The following GABRG3 variants were observed in gnomAD, a reference collection of about 807,000 sequenced individuals.
The protein encoded by GABRG3 is gamma-aminobutyric acid receptor subunit gamma-3.
Under a neutral mutation model 48.8 loss-of-function variants are expected in GABRG3, and 25 were observed. The ratio of observed to expected loss-of-function variants is 0.51; its 90% CI spans 0.37 to 0.72. The LOEUF (loss-of-function observed/expected upper bound fraction) is 0.72. GABRG3 is among the 30% of genes least tolerant of loss of function. The pLI is 0.00. For missense variants in GABRG3, 394 were observed against 577.9 expected, an observed-to-expected ratio of 0.68 and a Z score of 3.26; for synonymous variants, 227 against 217.6, an observed-to-expected ratio of 1.04 and a Z score of -0.38.
At chr15:27,467,081 C>T (rs1200470433) in intron 5 of GABRG3, among the ~76,000 whole-genome samples, 1 of 152,110 alleles carries the variant, frequency 6.6e-6, no homozygotes, top group African/African-American at 2.4e-5. Flanking sequence ...CACCAACATG[C>T]ATTTCTCACA....
intron 3 of GABRG3, among the ~76,000 whole-genome samples, chr15:27,123,721 A>G (rs1897770852): frequency 6.6e-6 from 1 of 152,180 alleles, no homozygotes; most frequent in African/African-American, 2.4e-5. Flanking sequence ...AATGACTCCC[A>G]TTCCAGCCCC....
chr15:27,420,624 A>G (rs1295833396), intron 5 of GABRG3: 1 of 152,210 alleles, frequency 6.6e-6, no homozygotes, highest in African/African-American at 2.4e-5. Flanking sequence ...CAGTGTATAC[A>G]TATATCAAAA....
intron 3 of GABRG3, among the ~76,000 whole-genome samples, chr15:27,239,183 G>C (rs961505414): frequency 1.3e-5 from 2 of 152,212 alleles, no homozygotes; most frequent in African/African-American, 2.4e-5. Context: ...GGTGACACCA[G>C]TCCGAGGTTT....
chr15:27,070,125 G>A (rs1444937324), intron 3 of GABRG3, among the ~76,000 whole-genome samples: 1 of 152,224 alleles, frequency 6.6e-6, no homozygotes, highest in Non-Finnish European at 1.5e-5. Flanking sequence ...CCTCCCCCAC[G>A]TGAGGACAGG....
At chr15:27,324,126 C>T (rs1452289501) in intron 3 of GABRG3, among the ~76,000 whole-genome samples, 1 of 152,236 alleles carries the variant, frequency 6.6e-6, no homozygotes, top group Non-Finnish European at 1.5e-5. Flanking sequence ...TAGCTTCTGT[C>T]TTTCTCATCA....
In GABRG3 at chr15:27,477,426, A is replaced by T. The variant is rs553736298; in HGVS notation, c.575-3224A>T. 2.0e-5 allele frequency among the ~76,000 whole-genome samples: 3 copies of T among 152,274 alleles called. No individual in the cohort carries two copies. The East Asian group carries it at 5.8e-4, about 29-fold the overall frequency. Reference sequence around the variant, plus strand: ...GTTGCTGCAGGGAAGGGTTGGAGGGAGGAATGAATAGGTGGAGCACAGGGG... The same window carrying T: ...GTTGCTGCAGGGAAGGGTTGGAGGGTGGAATGAATAGGTGGAGCACAGGGG... On this transcript the variant is annotated intron_variant, in intron 5 of 9. Transcript: ENST00000615808.
intron 5 of GABRG3, among the ~76,000 whole-genome samples, chr15:27,414,426 G>T (rs1887884224): frequency 6.6e-6 from 1 of 152,108 alleles, no homozygotes; most frequent in African/African-American, 2.4e-5. Flanking sequence ...TTTCTTCCAA[G>T]TCTGGAAGAG....
intron 5 of GABRG3, among the ~76,000 whole-genome samples, chr15:27,431,184 T>G (rs1888442189): frequency 6.6e-6 from 1 of 152,000 alleles, no homozygotes; most frequent in Non-Finnish European, 1.5e-5. Context: ...TCCAATGTTA[T>G]TTTTCTTTTT....
Position 26,993,582 on chromosome 15 carries a change from T to C in GABRG3, c.202+16432T>C, listed in dbSNP as rs562746212. ...GAAAACATGTTTGATAGTATTTTAATTTTTTTGACTGTTTTAAGACATGTT... is the reference window on the plus strand; with the variant it reads ...GAAAACATGTTTGATAGTATTTTAACTTTTTTGACTGTTTTAAGACATGTT... On this transcript the variant is annotated intron_variant, in intron 2 of 9. Coordinates refer to ENST00000615808, the MANE Select transcript of GABRG3 (RefSeq NM_033223.5). Among the ~76,000 whole-genome samples the C allele has an allele frequency of 2.0e-5, 3 of 152,172 alleles. No homozygotes were observed. The South Asian group carries it at 6.2e-4, about 32-fold the overall frequency.
intron 3 of GABRG3, among the ~76,000 whole-genome samples, chr15:27,165,488 C>G (rs1164736634): frequency 4.6e-5 from 7 of 152,118 alleles, no homozygotes; most frequent in Admixed American, 1.3e-4. Flanking sequence ...ACCTTAAAAC[C>G]CTTCAAATAT....
intron 5 of GABRG3, among the ~76,000 whole-genome samples, chr15:27,448,221 C>T (rs193208166): frequency 1.3e-5 from 2 of 152,150 alleles, no homozygotes; most frequent in Admixed American, 6.5e-5. Context: ...GAAGGAAAGA[C>T]GATTTTGTTA....
chr15:27,078,599 A>G (rs1293869699), intron 3 of GABRG3, among the ~76,000 whole-genome samples: 1 of 152,238 alleles, frequency 6.6e-6, no homozygotes, highest in African/African-American at 2.4e-5. Flanking sequence ...TAGGAGAAGC[A>G]CATCTCTGTA....
At chr15:27,251,737 G>A (rs1438654097) in intron 3 of GABRG3, among the ~76,000 whole-genome samples, 1 of 152,192 alleles carries the variant, frequency 6.6e-6, no homozygotes, top group Non-Finnish European at 1.5e-5. Context: ...TCTACACAGT[G>A]CACAAGTAGA....
rs570889484 is a variant in GABRG3 at position 27,316,710 on chromosome 15, C to T, written c.271-10099C>T. On this transcript the variant is annotated intron_variant, in intron 3 of 9. Coordinates refer to ENST00000615808, the MANE Select transcript of GABRG3 (RefSeq NM_033223.5). ...CGTTCGTTTTAGGTGGATGGAGTTT[C>T]CAGCATGACATTCAATTTCTGTCAA... Among the ~76,000 whole-genome samples, 262 of 152,274 alleles carry T rather than the reference C, an allele frequency of 1.7e-3. 1 individual carries two copies. The highest frequency in any genetic ancestry group is 3.4e-3 in the Middle Eastern group (1 of 294).
intron 6 of GABRG3, among the ~76,000 whole-genome samples, chr15:27,493,351 A>T (rs1030737985): frequency 5.9e-5 from 9 of 152,196 alleles, no homozygotes; most frequent in Admixed American, 2.0e-4. Context: ...CCTAGTAAAG[A>T]TCACAGCTAA....
chr15:27,520,757 G>A (rs921379973), intron 7 of GABRG3, among the ~76,000 whole-genome samples: 1 of 150,036 alleles, frequency 6.7e-6, no homozygotes. Context: ...TTTTTTGAAG[G>A]CAGGTAATAT....
intron 5 of GABRG3, among the ~76,000 whole-genome samples, chr15:27,443,842 G>T (rs1442119645): frequency 1.3e-5 from 2 of 152,120 alleles, no homozygotes; most frequent in Admixed American, 6.6e-5. Flanking sequence ...TTGCCTGGAG[G>T]TTTTATAATG....
chr15:27,166,358 TA>T (rs1219889513), intron 3 of GABRG3, among the ~76,000 whole-genome samples: 1 of 152,192 alleles, frequency 6.6e-6, no homozygotes, highest in South Asian at 2.1e-4. Flanking sequence ...TTTGCTCTTT[TA>T]AAAAATCAAT....
chr15:27,176,925 CA>C (rs1887764552), intron 3 of GABRG3, among the ~76,000 whole-genome samples: 1 of 152,156 alleles, frequency 6.6e-6, no homozygotes. Context: ...AACCACCCGA[CA>C]GTTTCTTGCC....
Sources: gnomAD v4.1 joint callset for allele counts (sites outside exome capture counted in the v4.1 genomes callset) on GRCh38, gnomAD v4.1.1 for gene constraint, MANE v1.5 for transcripts, NCBI Gene and HGNC (gene_info 2026-07-23, HGNC 2026-07-21) for gene names.